ADCK1: variants seen among roughly 807,000 people sequenced by gnomAD.
ADCK1 encodes aarF domain containing kinase 1.
A neutral mutation model predicts 52.3 loss-of-function variants in ADCK1; 41 were observed. The observed-to-expected ratio is 0.78, with a 90% confidence interval of 0.61 to 1.02. The LOEUF is 1.02. Among genes scored for constraint, ADCK1 ranks in the 50% least tolerant of loss-of-function variants. The pLI is 0.00. For synonymous variants in ADCK1, 250 were observed against 274.6 expected (o/e 0.91, Z 0.89); for missense variants, 658 against 679.5 (o/e 0.97, Z 0.35).
At chr14:77,847,244 T>A (rs2082190469) in intron 3 of ADCK1, among the ~76,000 whole-genome samples, 1 of 152,094 alleles carries the variant, frequency 6.6e-6, no homozygotes, top group African/African-American at 2.4e-5. Context: ...GCAGGACAGC[T>A]GGGCTGCCTT....
chr14:77,853,710 G>C (rs751970755), intron 3 of ADCK1, among the ~76,000 whole-genome samples: 12 of 152,088 alleles, frequency 7.9e-5, no homozygotes, highest in Non-Finnish European at 1.5e-4. Context: ...AAGCTTTTTG[G>C]GTTATTCTTT....
chr14:77,930,074 C>G (rs566477649), intron 9 of ADCK1, among the ~76,000 whole-genome samples: 1 of 152,102 alleles, frequency 6.6e-6, no homozygotes, highest in South Asian at 2.1e-4. Context: ...AGCTGTCCCC[C>G]GGTAGTAGCC....
chr14:77,927,813 A>G (rs2084231914), intron 9 of ADCK1, among the ~76,000 whole-genome samples: 1 of 152,226 alleles, frequency 6.6e-6, no homozygotes, highest in African/African-American at 2.4e-5. Flanking sequence ...GGACGGTGGG[A>G]TGAGAAGACG....
intron 4 of ADCK1, among the ~76,000 whole-genome samples, chr14:77,879,092 C>T (rs1246873358): frequency 1.3e-5 from 2 of 152,122 alleles, no homozygotes; most frequent in South Asian, 2.1e-4. Context: ...CCTCAGCCAC[C>T]GTGAAGGAAC....
At chr14:77,813,468 G>A (rs1458393135) in intron 1 of ADCK1, among the ~76,000 whole-genome samples, 1 of 152,006 alleles carries the variant, frequency 6.6e-6, no homozygotes, top group South Asian at 2.1e-4. Context: ...GCATCACTAC[G>A]CCCAGCTAAT....
intron 3 of ADCK1, among the ~76,000 whole-genome samples, chr14:77,855,948 A>C (rs2082407869): frequency 6.6e-6 from 1 of 152,178 alleles, no homozygotes; most frequent in Admixed American, 6.5e-5. Flanking sequence ...CATGCCTGTA[A>C]TCCCAACACT....
At chr14:77,926,222 C>T (rs925375670) in intron 9 of ADCK1, among the ~76,000 whole-genome samples, 2 of 152,250 alleles carry the variant, frequency 1.3e-5, no homozygotes, top group African/African-American at 4.8e-5. Context: ...TGCACATTAA[C>T]CATAATAACT....
intron 3 of ADCK1, 101 bp from the exon 4 acceptor site, chr14:77,858,975 G>A: frequency 9.1e-7 from 1 of 1,104,932 alleles, no homozygotes; most frequent in Non-Finnish European, 1.3e-6. Context: ...GGGCATTGTG[G>A]GGTAATGAGG....
In ADCK1 at chr14:77,933,746, G is replaced by C. The variant is rs1334285345; in HGVS notation, c.*355G>C. 12 of 216,350 alleles carry C rather than the reference G, an allele frequency of 5.5e-5. No homozygotes were observed. Among genetic ancestry groups the C allele is most frequent in the Non-Finnish European group, 8.3e-5 (9 of 107,810 alleles). 13.4% of individuals were successfully genotyped at this position (216,350 alleles called of 1,614,324 possible). A position where few individuals can be genotyped will look rare whatever the true frequency, so the allele number is the denominator to read the frequency against. Reference sequence around the variant, plus strand: ...TGGGGGCACACTGAACTTGTAGGGAGTGTGATTTTGTTGGAGGTGCACATG... The same window carrying C: ...TGGGGGCACACTGAACTTGTAGGGACTGTGATTTTGTTGGAGGTGCACATG... On this transcript the variant is annotated 3_prime_UTR_variant, in exon 11 of 11. Coordinates refer to ENST00000238561, the MANE Select transcript of ADCK1 (RefSeq NM_020421.4).
intron 4 of ADCK1, among the ~76,000 whole-genome samples, chr14:77,870,903 A>G (rs1188143089): frequency 2.0e-5 from 3 of 152,196 alleles, no homozygotes; most frequent in Non-Finnish European, 2.9e-5. Flanking sequence ...TGGGGCTGTC[A>G]GTATGGGCAG....
At chr14:77,833,141 A>T (rs181121426) in intron 3 of ADCK1, among the ~76,000 whole-genome samples, 1 of 152,248 alleles carries the variant, frequency 6.6e-6, no homozygotes, top group East Asian at 1.9e-4. Flanking sequence ...GTCTGGAATT[A>T]CTTCTCCTGA....
intron 3 of ADCK1, among the ~76,000 whole-genome samples, chr14:77,824,365 C>A (rs937212798): frequency 6.6e-6 from 1 of 151,982 alleles, no homozygotes; most frequent in Non-Finnish European, 1.5e-5. Context: ...CCTTAATAAT[C>A]TCTAATAGAT....
intron 1 of ADCK1, among the ~76,000 whole-genome samples, chr14:77,804,472 G>A (rs2081175942): frequency 1.3e-5 from 2 of 152,094 alleles, no homozygotes; most frequent in East Asian, 1.9e-4. Flanking sequence ...ACAGGGTTTC[G>A]AGAGTTGTGT....
intron 6 of ADCK1, chr14:77,900,816 T>C (rs1012580707): frequency 3.1e-6 from 1 of 327,590 alleles, no homozygotes; most frequent in Non-Finnish European, 6.0e-6. Context: ...AACATATCAA[T>C]TGCATTGGAA....
intron 5 of ADCK1, among the ~76,000 whole-genome samples, chr14:77,893,984 C>A (rs867282826): frequency 6.6e-6 from 1 of 152,116 alleles, no homozygotes; most frequent in Non-Finnish European, 1.5e-5. Context: ...CTGTCTGCCT[C>A]GGCCTCCCAA....
rs1566674303 is a variant in ADCK1 at position 77,859,111 on chromosome 14, C to T, written c.255C>T (p.Leu85=). ...GCTCTGCCAGGCGTCTCTGTGAGCT[C>T]TGCTGTGCCAACCGGGGCACCTTCA... ...HLRSARRLCE[L]CCANRGTFIK... Residue 85 remains leucine, a synonymous_variant, in exon 4 of 11, where the codon CTC becomes CTT. Coordinates refer to ENST00000238561, the MANE Select transcript of ADCK1 (RefSeq NM_020421.4). 4 of 1,612,174 alleles carry T rather than the reference C, an allele frequency of 2.5e-6. No homozygotes were observed. The highest frequency in any genetic ancestry group is 3.4e-6 in the Non-Finnish European group (4 of 1,179,646).
chr14:77,881,793 A>C lies in ADCK1; in HGVS notation c.424-5298A>C, dbSNP rs111739335. 6.4e-3 allele frequency among the ~76,000 whole-genome samples: 972 copies of C among 152,314 alleles called. 8 individuals carry two copies. Among genetic ancestry groups the C allele is most frequent in the African/African-American group, 0.022 (935 of 41,564 alleles). On this transcript the variant is annotated intron_variant, in intron 4 of 10. Coordinates refer to ENST00000238561, the MANE Select transcript of ADCK1 (RefSeq NM_020421.4). ...CGGGTATCAGCCTCCATACCTGGCC[A>C]TTGTGAACATATTTTAAAGCTATCA...
intron 7 of ADCK1, among the ~76,000 whole-genome samples, chr14:77,920,834 G>A (rs866387782): frequency 6.6e-5 from 10 of 151,950 alleles, no homozygotes; most frequent in African/African-American, 2.4e-4. Context: ...ATTTTCTGTA[G>A]AGATGGGGTC....
chr14:77,830,881 G>T lies in ADCK1; in HGVS notation c.219+8363G>T, dbSNP rs748595371. Among the ~76,000 whole-genome samples the T allele has an allele frequency of 3.5e-4, 53 of 152,140 alleles. 1 individual carries two copies. Among genetic ancestry groups the T allele is most frequent in the Non-Finnish European group, 3.2e-4 (22 of 68,026 alleles). On this transcript the variant is annotated intron_variant, in intron 3 of 10. Transcript: ENST00000238561. ...ATCAGATGATTCAGGTCAGTAGTATGTGTTTGTTTGGTTAGTTACTATAGC... is the reference window on the plus strand; with the variant it reads ...ATCAGATGATTCAGGTCAGTAGTATTTGTTTGTTTGGTTAGTTACTATAGC...
Sources: allele counts gnomAD v4.1 joint callset (sites outside exome capture counted in the v4.1 genomes callset), GRCh38; gene constraint gnomAD v4.1.1; transcripts MANE v1.5; gene names NCBI Gene and HGNC (gene_info 2026-07-23, HGNC 2026-07-21).